NBDY: variants seen among roughly 807,000 people sequenced by gnomAD.
NBDY encodes the protein negative regulator of P-body association, also known as P-body dissociating protein.
chrX:56,763,445 C>T (rs2069648590), intron 2 of NBDY, among the ~76,000 whole-genome samples: 1 of 111,971 alleles, frequency 8.9e-6, no homozygotes, highest in African/African-American at 3.3e-5. Flanking sequence ...AGCAGTCCAC[C>T]TATTTTGATG....
intron 2 of NBDY, among the ~76,000 whole-genome samples, chrX:56,806,645 G>A (rs776118347): frequency 5.4e-5 from 6 of 111,775 alleles, no homozygotes; most frequent in Admixed American, 1.9e-4. Context: ...CATATCTTTC[G>A]CCCACTTTTT....
At chrX:56,756,471 C>T (rs1470942946) in intron 2 of NBDY, among the ~76,000 whole-genome samples, 1 of 107,804 alleles carries the variant, frequency 9.3e-6, no homozygotes, top group African/African-American at 3.4e-5. Context: ...AATTGACAAC[C>T]TAAATAAAGA....
At chrX:56,802,084 C>T (rs945161629) in intron 2 of NBDY, among the ~76,000 whole-genome samples, 7 of 111,266 alleles carry the variant, frequency 6.3e-5, no homozygotes, top group South Asian at 3.8e-4. Context: ...ACACATGTGT[C>T]GCCATAGCCA....
At chrX:56,791,208 G>A (rs2069760862) in intron 2 of NBDY, among the ~76,000 whole-genome samples, 1 of 112,245 alleles carries the variant, frequency 8.9e-6, no homozygotes, top group Non-Finnish European at 1.9e-5. Flanking sequence ...GGCAAGGTCA[G>A]GAGCAGCCTG....
In NBDY at chrX:56,819,024, C is replaced by T. The variant is rs1434555399; in HGVS notation, c.*1871C>T. On this transcript the variant is annotated 3_prime_UTR_variant, in exon 3 of 3. Transcript: ENST00000374922. ...AAAAACAAAAAACTTCCACCCCTAC[C>T]TCATGCAAAATACAAAAATTAACTC... 1 of 107,639 alleles carries T rather than the reference C, an allele frequency of 9.3e-6. No individual in the cohort carries two copies. The highest frequency in any genetic ancestry group is 1.9e-5 in the Non-Finnish European group (1 of 52,059). The allele number at this position is 107,639 out of a possible 1,213,427, so 8.9% of individuals were successfully genotyped here. A position where few individuals can be genotyped will look rare whatever the true frequency, so the allele number is the denominator to read the frequency against.
At chrX:56,737,512 G>T in intron 2 of NBDY, 1 of 950,808 alleles carries the variant, frequency 1.1e-6, no homozygotes, top group Non-Finnish European at 1.5e-6. Flanking sequence ...CTGCAGTATT[G>T]TAATACCATT....
At chrX:56,756,324 G>T (rs1356088081) in intron 2 of NBDY, among the ~76,000 whole-genome samples, 2 of 107,990 alleles carry the variant, frequency 1.9e-5, no homozygotes, top group Admixed American at 9.9e-5. Context: ...TAATAAAATG[G>T]TTAAATTTAT....
At chrX:56,733,896 C>G (rs753566973) in intron 2 of NBDY, among the ~76,000 whole-genome samples, 1 of 112,283 alleles carries the variant, frequency 8.9e-6, no homozygotes, top group Non-Finnish European at 1.9e-5. Flanking sequence ...TTCAAAGCTA[C>G]ACACAGGATG....
At chrX:56,806,552 G>T (rs1447705408) in intron 2 of NBDY, among the ~76,000 whole-genome samples, 2 of 111,997 alleles carry the variant, frequency 1.8e-5, no homozygotes, top group Non-Finnish European at 3.8e-5. Flanking sequence ...GTTTTGATTT[G>T]CATTTCTCTA....
chrX:56,784,008 G>A (rs1440736602), intron 2 of NBDY, among the ~76,000 whole-genome samples: 2 of 111,631 alleles, frequency 1.8e-5, no homozygotes, highest in Non-Finnish European at 3.8e-5. Flanking sequence ...TGAACCAGAG[G>A]AGCCTATCCT....
At chrX:56,758,828 C>A (rs1249901853) in intron 2 of NBDY, among the ~76,000 whole-genome samples, 1 of 111,538 alleles carries the variant, frequency 9.0e-6, no homozygotes, top group East Asian at 2.8e-4. Context: ...AACTCTGGTG[C>A]TTGCCAGATA....
At chrX:56,736,292 A>G (rs1184486581) in intron 2 of NBDY, among the ~76,000 whole-genome samples, 1 of 112,014 alleles carries the variant, frequency 8.9e-6, no homozygotes, top group Non-Finnish European at 1.9e-5. Flanking sequence ...TTTTTGAGAC[A>G]GAGCCACTGT....
chrX:56,788,620 T>A (rs980889014), intron 2 of NBDY, among the ~76,000 whole-genome samples: 1 of 112,296 alleles, frequency 8.9e-6, no homozygotes, highest in African/African-American at 3.2e-5. Flanking sequence ...AGCTCCTTTT[T>A]TTTTTTTTTT....
At chrX:56,756,615 G>T (rs1330602185) in intron 2 of NBDY, among the ~76,000 whole-genome samples, 1 of 111,996 alleles carries the variant, frequency 8.9e-6, no homozygotes, top group Non-Finnish European at 1.9e-5. Flanking sequence ...AGTGCATTAA[G>T]GAAGGCAACA....
chrX:56,758,438 A>G (rs1426359798), intron 2 of NBDY, among the ~76,000 whole-genome samples: 1 of 111,703 alleles, frequency 9.0e-6, no homozygotes, highest in African/African-American at 3.3e-5. Flanking sequence ...GGGGCAGGAC[A>G]GGACGAGACA....
intron 2 of NBDY, among the ~76,000 whole-genome samples, chrX:56,747,659 C>A (rs912218941): frequency 1.8e-5 from 2 of 111,091 alleles, no homozygotes; most frequent in Non-Finnish European, 3.8e-5. Flanking sequence ...GTGCTGTGTT[C>A]ACATTTATAT....
At chrX:56,816,648 G>C (rs919111525) in intron 2 of NBDY, among the ~76,000 whole-genome samples, 1 of 110,460 alleles carries the variant, frequency 9.1e-6, no homozygotes, top group Non-Finnish European at 1.9e-5. Context: ...AATTGCCGAA[G>C]TGTATGCTAG....
At chrX:56,809,185 A>G (rs912606229) in intron 2 of NBDY, among the ~76,000 whole-genome samples, 1 of 111,918 alleles carries the variant, frequency 8.9e-6, no homozygotes, top group Non-Finnish European at 1.9e-5. Flanking sequence ...TTATTTGGTC[A>G]GTTTTAGAAT....
chrX:56,803,784 C>G (rs1472010092), intron 2 of NBDY, among the ~76,000 whole-genome samples: 1 of 111,972 alleles, frequency 8.9e-6, no homozygotes, highest in Non-Finnish European at 1.9e-5. Flanking sequence ...TTGCTTTTCT[C>G]TTTCTCCTTT....
Sources: gnomAD v4.1 joint callset for allele counts (sites outside exome capture counted in the v4.1 genomes callset) on GRCh38, gnomAD v4.1.1 for gene constraint, MANE v1.5 for transcripts, NCBI Gene and HGNC (gene_info 2026-07-23, HGNC 2026-07-21) for gene names.